The following MYO5B variants were observed in gnomAD, a reference collection of about 807,000 sequenced individuals.
MYO5B encodes the protein myosin VB, also known as unconventional myosin-Vb.
MYO5B carries 143 observed loss-of-function variants against 229.3 expected under a neutral mutation model. The ratio of observed to expected loss-of-function variants is 0.62; its 90% CI spans 0.54 to 0.72. The LOEUF (loss-of-function observed/expected upper bound fraction) is 0.72, where lower values mean the gene tolerates loss of function less well. Ranked by LOEUF, MYO5B falls within the 30% of genes least tolerant of loss-of-function variation. The pLI is 0.00. For synonymous variants in MYO5B, 918 were observed against 885.2 expected, an observed-to-expected ratio of 1.04 and a Z score of -0.66; for missense variants, 2,321 against 2,331.0, an observed-to-expected ratio of 1.00 and a Z score of 0.09.
intron 12 of MYO5B, among the ~76,000 whole-genome samples, chr18:49,959,037 G>A (rs1249644123): frequency 2.0e-5 from 3 of 152,120 alleles, no homozygotes; most frequent in Non-Finnish European, 4.4e-5. Flanking sequence ...TTCTCCCATG[G>A]TCCCTACTTT....
intron 4 of MYO5B, among the ~76,000 whole-genome samples, chr18:50,020,497 G>A (rs1348493796): frequency 6.6e-6 from 1 of 152,186 alleles, no homozygotes; most frequent in East Asian, 1.9e-4. Context: ...CAATCTAATA[G>A]TGACCCCCTT....
intron 1 of MYO5B, among the ~76,000 whole-genome samples, chr18:50,172,217 G>A (rs2032928349): frequency 6.6e-6 from 1 of 150,498 alleles, no homozygotes; most frequent in Non-Finnish European, 1.5e-5. Flanking sequence ...GAAGGTCGAG[G>A]CTGCCGTGAG....
intron 10 of MYO5B, among the ~76,000 whole-genome samples, chr18:49,969,513 G>T (rs117252330): frequency 2.6e-5 from 4 of 151,982 alleles, no homozygotes; most frequent in African/African-American, 9.7e-5. Flanking sequence ...AACACATTCC[G>T]CCTGCTCCCA....
chr18:49,949,226 A>C (rs1270065261), intron 14 of MYO5B, among the ~76,000 whole-genome samples: 1 of 152,248 alleles, frequency 6.6e-6, no homozygotes, highest in Non-Finnish European at 1.5e-5. Context: ...AGTGGTGGCC[A>C]GGAATAGGCA....
At chr18:49,967,480 A>G (rs1325700930) in intron 10 of MYO5B, among the ~76,000 whole-genome samples, 1 of 152,204 alleles carries the variant, frequency 6.6e-6, no homozygotes, top group Non-Finnish European at 1.5e-5. Flanking sequence ...TGGTCTTTCC[A>G]ATTTATAAAG....
chr18:50,026,820 AG>A (rs1266994502), intron 4 of MYO5B, among the ~76,000 whole-genome samples: 1 of 152,228 alleles, frequency 6.6e-6, no homozygotes, highest in Non-Finnish European at 1.5e-5. Context: ...CTAACAATTT[AG>A]TGAGTTAGAC....
At chr18:49,855,428 C>T (rs1035182649) in intron 30 of MYO5B, among the ~76,000 whole-genome samples, 3 of 152,120 alleles carry the variant, frequency 2.0e-5, no homozygotes, top group Admixed American at 6.6e-5. Flanking sequence ...ATTCAGTTGC[C>T]GATTCATGAA....
chr18:50,194,418 G>A (rs986325383), intron 1 of MYO5B, among the ~76,000 whole-genome samples: 17 of 152,170 alleles, frequency 1.1e-4, no homozygotes, highest in Non-Finnish European at 2.4e-4. Flanking sequence ...GCTCAGAGCT[G>A]GCAGGGTCGC....
intron 5 of MYO5B, among the ~76,000 whole-genome samples, chr18:49,994,255 C>T (rs774714002): frequency 1.1e-4 from 17 of 152,214 alleles, no homozygotes; most frequent in Non-Finnish European, 1.9e-4. Flanking sequence ...AAAGATTATA[C>T]ATCTGCTTCA....
At position 50,121,251 on chromosome 18, in the gene MYO5B, C is replaced by A. The variant is rs138930556; in HGVS notation, c.28-65873G>T. ...GTCTTCATTCCAAAGCTTGCGTTAT[C>A]TGTCCCTTCTAGATTATAAGCACCT... On this transcript the variant is annotated intron_variant, in intron 1 of 39. Transcript: ENST00000285039. Among the ~76,000 whole-genome samples the A allele has an allele frequency of 7.6e-3, 1,165 of 152,328 alleles. 14 individuals carry two copies. The highest frequency in any genetic ancestry group is 0.026 in the African/African-American group (1,087 of 41,570).
intron 22 of MYO5B, among the ~76,000 whole-genome samples, chr18:49,884,923 C>T (rs555141509): frequency 1.3e-5 from 2 of 152,208 alleles, no homozygotes; most frequent in Non-Finnish European, 2.9e-5. Context: ...CAAATCAAAG[C>T]CACACTGAGA....
At chr18:49,902,967 C>T (rs904841819) in intron 20 of MYO5B, 134 bp from the exon 21 acceptor site, 1 of 1,138,766 alleles carries the variant, frequency 8.8e-7, no homozygotes, top group Non-Finnish European at 1.3e-6. Context: ...CAATGTGCCC[C>T]CTAAGATCTA....
intron 1 of MYO5B, among the ~76,000 whole-genome samples, chr18:50,159,052 G>C (rs2032724650): frequency 6.6e-6 from 1 of 152,066 alleles, no homozygotes; most frequent in African/African-American, 2.4e-5. Flanking sequence ...AACCATGAGA[G>C]ACAAAGGTTT....
At chr18:49,881,875 G>A (rs1198906549) in intron 22 of MYO5B, among the ~76,000 whole-genome samples, 1 of 152,052 alleles carries the variant, frequency 6.6e-6, no homozygotes, top group Non-Finnish European at 1.5e-5. Context: ...GCAACTATTT[G>A]TATGGGTTTT....
At chr18:50,092,812 G>T (rs571927933) in intron 1 of MYO5B, among the ~76,000 whole-genome samples, 1 of 152,068 alleles carries the variant, frequency 6.6e-6, no homozygotes, top group Non-Finnish European at 1.5e-5. Context: ...TTGAATTATT[G>T]AATCATTGAA....
chr18:49,935,735 A>G (rs2025242180), intron 16 of MYO5B, among the ~76,000 whole-genome samples: 1 of 152,236 alleles, frequency 6.6e-6, no homozygotes, highest in South Asian at 2.1e-4. Context: ...TTTCAAGGTC[A>G]GGGTAGAAAC....
At chr18:49,956,926 T>C (rs895218451) in intron 12 of MYO5B, among the ~76,000 whole-genome samples, 2 of 151,966 alleles carry the variant, frequency 1.3e-5, no homozygotes, top group African/African-American at 4.8e-5. Context: ...AGGGGGGCAA[T>C]GGAGAATAGC....
intron 22 of MYO5B, among the ~76,000 whole-genome samples, chr18:49,885,165 C>T (rs887837168): frequency 2.0e-5 from 3 of 152,188 alleles, no homozygotes; most frequent in Non-Finnish European, 2.9e-5. Flanking sequence ...CTAGTCCACA[C>T]AAAAACTTGT....
At chr18:50,186,230 A>T (rs1197484354) in intron 1 of MYO5B, among the ~76,000 whole-genome samples, 8 of 152,212 alleles carry the variant, frequency 5.3e-5, no homozygotes, top group Admixed American at 4.6e-4. Context: ...AGCCACATGC[A>T]GTTACCCTGT....
Sources: gnomAD v4.1 joint callset for allele counts (sites outside exome capture counted in the v4.1 genomes callset) on GRCh38, gnomAD v4.1.1 for gene constraint, MANE v1.5 for transcripts, NCBI Gene and HGNC (gene_info 2026-07-23, HGNC 2026-07-21) for gene names.